Variants in CCDC150 observed in about 807,000 individuals in gnomAD.
CCDC150 encodes the protein coiled-coil domain containing 150.
CCDC150 carries 151 observed loss-of-function variants against 156.5 expected under a neutral mutation model. The ratio of observed to expected loss-of-function variants is 0.97; its 90% CI spans 0.85 to 1.10. The LOEUF (loss-of-function observed/expected upper bound fraction) is 1.10. Among genes scored for constraint, CCDC150 ranks in the 50% least tolerant of loss-of-function variants. The pLI is 0.00. For synonymous variants in CCDC150, 452 were observed against 429.4 expected (o/e 1.05, Z -0.65); for missense variants, 1,312 against 1,268.1 (o/e 1.03, Z -0.53).
chr2:196,714,169 T>G (rs1295396501), intron 17 of CCDC150, among the ~76,000 whole-genome samples: 2 of 152,236 alleles, frequency 1.3e-5, no homozygotes, highest in Non-Finnish European at 2.9e-5. Context: ...GTCCAGGTCC[T>G]TGGTGTTTTG....
At chr2:196,712,373 C>A in intron 16 of CCDC150, 121 bp downstream of exon 16, 1 of 602,190 alleles carries the variant, frequency 1.7e-6, no homozygotes, top group Non-Finnish European at 2.8e-6. Context: ...TCACTTGACT[C>A]AGTTTAACAA....
At chr2:196,649,558 T>C (rs1183488208) in intron 2 of CCDC150, among the ~76,000 whole-genome samples, 3 of 152,196 alleles carry the variant, frequency 2.0e-5, no homozygotes, top group Non-Finnish European at 2.9e-5. Context: ...ACCATCTATG[T>C]TTGTGTAAAT....
chr2:196,654,671 T>G (rs1385407443), intron 2 of CCDC150, among the ~76,000 whole-genome samples: 2 of 152,216 alleles, frequency 1.3e-5, no homozygotes, highest in Non-Finnish European at 1.5e-5. Context: ...TGGGAGCATC[T>G]TTATGACCAT....
At chr2:196,663,936 C>G (rs895246840) in intron 5 of CCDC150, among the ~76,000 whole-genome samples, 3 of 152,004 alleles carry the variant, frequency 2.0e-5, no homozygotes, top group African/African-American at 7.2e-5. Context: ...GAAAGGATCT[C>G]TTTACCTAAT....
chr2:196,668,579 A>C (rs1430076636), intron 7 of CCDC150, among the ~76,000 whole-genome samples: 1 of 152,198 alleles, frequency 6.6e-6, no homozygotes, highest in Non-Finnish European at 1.5e-5. Context: ...ATAATATTGA[A>C]TTATAGACTT....
At chr2:196,727,629 TA>T (rs1255264849) in intron 22 of CCDC150, 1 of 152,178 alleles carries the variant, frequency 6.6e-6, no homozygotes, top group Non-Finnish European at 1.5e-5. Context: ...ACAAATGTTA[TA>T]AAAAGCAAAT....
At chr2:196,678,160 T>G (rs1387276743) in intron 13 of CCDC150, among the ~76,000 whole-genome samples, 1 of 152,210 alleles carries the variant, frequency 6.6e-6, no homozygotes, top group Non-Finnish European at 1.5e-5. Context: ...CATTGCTGTT[T>G]GCGTTTCAAA....
chr2:196,720,744 G>T, intron 20 of CCDC150, 76 bp downstream of exon 20: 2 of 1,239,634 alleles, frequency 1.6e-6, no homozygotes, highest in South Asian at 1.4e-5. Context: ...TTGGGAAAAT[G>T]AAGTGAAACT....
chr2:196,697,953 A>G (rs1003036519), intron 14 of CCDC150, among the ~76,000 whole-genome samples: 1 of 152,204 alleles, frequency 6.6e-6, no homozygotes, highest in Non-Finnish European at 1.5e-5. Context: ...CTGAGTTAAA[A>G]TGGATATTCT....
At chr2:196,646,660 T>C (rs534700266) in intron 2 of CCDC150, among the ~76,000 whole-genome samples, 156 bp downstream of exon 2, 7 of 152,192 alleles carry the variant, frequency 4.6e-5, no homozygotes, top group Middle Eastern at 6.8e-3. Context: ...AAATGAAGAG[T>C]TGTCGTTCTG....
At chr2:196,646,799 A>G (rs184215671) in intron 2 of CCDC150, among the ~76,000 whole-genome samples, 171 of 142,034 alleles carry the variant, frequency 1.2e-3, no homozygotes, top group African/African-American at 4.1e-3. Flanking sequence ...GTAATAAAAA[A>G]AGATTTGTTC....
chr2:196,659,014 G>A (rs1196974196), intron 5 of CCDC150, among the ~76,000 whole-genome samples, 154 bp downstream of exon 5: 4 of 152,124 alleles, frequency 2.6e-5, no homozygotes, highest in Non-Finnish European at 4.4e-5. Flanking sequence ...TCAAGTGAAA[G>A]TGCCTGCCCT....
chr2:196,676,312 A>T (rs1694501262), intron 11 of CCDC150, 45 bp downstream of exon 11: 3 of 1,602,894 alleles, frequency 1.9e-6, no homozygotes, highest in South Asian at 1.1e-5. Flanking sequence ...TTGTTCTTGC[A>T]TGTGTGTTTC....
chr2:196,657,931 T>C (rs532308069), intron 4 of CCDC150, among the ~76,000 whole-genome samples: 1 of 152,254 alleles, frequency 6.6e-6, no homozygotes, highest in African/African-American at 2.4e-5. Flanking sequence ...CTAGGAGAAA[T>C]ATATAAACTA....
At chr2:196,660,133 A>G (rs1693474419) in intron 5 of CCDC150, among the ~76,000 whole-genome samples, 1 of 152,068 alleles carries the variant, frequency 6.6e-6, no homozygotes, top group Non-Finnish European at 1.5e-5. Flanking sequence ...ATGTTTTTTC[A>G]TGGCTCAGTA....
intron 2 of CCDC150, among the ~76,000 whole-genome samples, chr2:196,655,260 C>G (rs1357807145): frequency 6.6e-6 from 1 of 152,158 alleles, no homozygotes; most frequent in Non-Finnish European, 1.5e-5. Context: ...GGAGTGGGCC[C>G]GTTTTATATC....
At position 196,672,415 on chromosome 2, in the gene CCDC150, A is replaced by G. The variant is rs1489000037; in HGVS notation, c.1007A>G (p.His336Arg). ...AYLRSEIMSL[H>R]EASEKAQVLN... The stretch of plus-strand genomic sequence containing the variant: ...TTGAGGTCCGAAATAATGTCTCTTC[A>G]TGAAGCATCAGAAAAAGCACAAGTA... Residue 336 changes from histidine to arginine, a missense_variant, in exon 9 of 28, where the codon CAT (histidine) becomes CGT (arginine). By Grantham distance (29) the His-to-Arg change is conservative. Coordinates refer to ENST00000389175, the MANE Select transcript of CCDC150 (RefSeq NM_001080539.2). 1 of 1,528,712 alleles carries G rather than the reference A, an allele frequency of 6.5e-7. No individual in the cohort carries two copies. Among genetic ancestry groups the G allele is most frequent in the South Asian group, 1.3e-5 (1 of 76,612 alleles). 94.7% of individuals were successfully genotyped at this position (1,528,712 alleles called of 1,614,324 possible). A position where few individuals can be genotyped will look rare whatever the true frequency, so the allele number is the denominator to read the frequency against.
chr2:196,712,200 A>G lies in CCDC150; in HGVS notation c.1751A>G (p.Gln584Arg). Reference protein sequence around the residue: ...QVQSFTDTSLQNDHLRKMNKY... With the variant: ...QVQSFTDTSLRNDHLRKMNKY... Reference sequence around the variant, plus strand: ...CAGTCTTTTACTGACACCAGCTTACAGAATGATCATCTACGCAAGATGAAT... The same window carrying G: ...CAGTCTTTTACTGACACCAGCTTACGGAATGATCATCTACGCAAGATGAAT... The change falls in exon 16 of 28, where the codon CAG becomes CGG. Residue 584 changes from glutamine to arginine, a missense_variant. Gln to Arg is a conservative substitution (Grantham distance 43). Coordinates refer to ENST00000389175, the MANE Select transcript of CCDC150 (RefSeq NM_001080539.2). 1.3e-6 allele frequency: 2 copies of G among 1,588,460 alleles called. No individual in the cohort carries two copies. The highest frequency in any genetic ancestry group is 8.6e-7 in the Non-Finnish European group (1 of 1,164,996).
chr2:196,691,071 A>G (rs528528116), intron 13 of CCDC150, among the ~76,000 whole-genome samples: 25 of 65,910 alleles, frequency 3.8e-4, no homozygotes, highest in Non-Finnish European at 7.5e-4. Context: ...ATCATGGCAG[A>G]TAAGCTTTTC....
Sources: allele counts gnomAD v4.1 joint callset (sites outside exome capture counted in the v4.1 genomes callset), GRCh38; gene constraint gnomAD v4.1.1; transcripts MANE v1.5; gene names NCBI Gene and HGNC (gene_info 2026-07-23, HGNC 2026-07-21).